The following USP30 variants were observed in gnomAD, a reference collection of about 807,000 sequenced individuals.
USP30 encodes the protein ubiquitin carboxyl-terminal hydrolase 30.
A neutral mutation model predicts 68.2 loss-of-function variants in USP30; 41 were observed. That is an observed-to-expected ratio of 0.60 (90% CI 0.47 to 0.78). The LOEUF is 0.78. Ranked by LOEUF, USP30 falls within the 30% of genes least tolerant of loss-of-function variation. The pLI, the probability that USP30 is intolerant of heterozygous loss-of-function variation, is 0.00. For synonymous variants in USP30, 229 were observed against 253.7 expected, an observed-to-expected ratio of 0.90 and a Z score of 0.93; for missense variants, 522 against 649.4, an observed-to-expected ratio of 0.80 and a Z score of 2.13.
At chr12:109,031,826 A>G (rs2040483653) in intron 3 of USP30, among the ~76,000 whole-genome samples, 2 of 152,114 alleles carry the variant, frequency 1.3e-5, no homozygotes, top group African/African-American at 4.8e-5. Flanking sequence ...GGTAGAGACG[A>G]GGTGTGATTA....
intron 1 of USP30, among the ~76,000 whole-genome samples, chr12:109,055,400 A>ATATTTTTTTTT (rs1298811530): frequency 1.2e-4 from 3 of 24,468 alleles, no homozygotes; most frequent in Admixed American, 7.5e-4. Flanking sequence ...ATATATATAT[A>ATATTTTTTTTT]TTTTTTTTTT....
At chr12:109,041,740 A>C (rs150900915) in intron 3 of USP30, among the ~76,000 whole-genome samples, 1 of 152,196 alleles carries the variant, frequency 6.6e-6, no homozygotes, top group Non-Finnish European at 1.5e-5. Context: ...ATTTTTTTAA[A>C]GAATTTATCA....
intron 4 of USP30, among the ~76,000 whole-genome samples, chr12:109,069,200 C>A (rs1293523772): frequency 6.6e-6 from 1 of 152,204 alleles, no homozygotes; most frequent in Non-Finnish European, 1.5e-5. Context: ...CAGTGCTGTC[C>A]CTTTCCTTAA....
At chr12:109,067,482 T>C (rs747880124) in intron 3 of USP30, 42 bp from the exon 4 acceptor site, 4 of 1,555,070 alleles carry the variant, frequency 2.6e-6, no homozygotes, top group Non-Finnish European at 2.7e-6. Flanking sequence ...TTAGTTGTTA[T>C]GCTGATGAAT....
At position 109,085,822 on chromosome 12, in the gene USP30, G is replaced by A. The variant is rs753067108; in HGVS notation, c.1445G>A (p.Arg482His). The change falls in exon 13 of 13, where the codon CGC becomes CAC. Residue 482 changes from arginine (R) to histidine (H), a missense_variant. By Grantham distance (29) the Arg-to-His change is conservative. Transcript: ENST00000257548. ...CTGTGGGTCTCCGATGACACTGTCC[G>A]CAAGGCCAGCCTGCAGGAGGTCCTG... Reference protein sequence around the residue: ...QWLWVSDDTVRKASLQEVLSS... With the variant: ...QWLWVSDDTVHKASLQEVLSS... 10 of 1,614,042 alleles carry A rather than the reference G, an allele frequency of 6.2e-6. No individual in the cohort carries two copies. The highest frequency in any genetic ancestry group is 8.5e-6 in the Non-Finnish European group (10 of 1,180,038).
At chr12:109,085,305 G>A (rs1167329091) in intron 12 of USP30, among the ~76,000 whole-genome samples, 1 of 152,024 alleles carries the variant, frequency 6.6e-6, no homozygotes, top group African/African-American at 2.4e-5. Context: ...GTGTATATAT[G>A]TGTGTATGTA....
At chr12:109,084,745 A>T (rs1249854212) in intron 11 of USP30, among the ~76,000 whole-genome samples, 1 of 152,248 alleles carries the variant, frequency 6.6e-6, no homozygotes, top group Admixed American at 6.5e-5. Context: ...AGCTAGATAC[A>T]CTTTTCCTAT....
chr12:109,049,677 T>C (rs536165806), upstream of USP30, among the ~76,000 whole-genome samples: 82 of 151,934 alleles, frequency 5.4e-4, no homozygotes, highest in Non-Finnish European at 9.7e-4. Context: ...TAGCCAGGCA[T>C]GGTGGCGCGT....
rs575538912 is a variant in USP30, at chr12:109,052,817, G to C, written c.83+56G>C. ...AGGCCGGGACCAGGGTCCCCAGCTTGGGCCCGTGACGGCTTTTTCATGCCC... is the reference window on the plus strand; with the variant it reads ...AGGCCGGGACCAGGGTCCCCAGCTTCGGCCCGTGACGGCTTTTTCATGCCC... On this transcript the variant is annotated intron_variant, in intron 1 of 12. Transcript: ENST00000257548. 1,286 of 1,394,218 alleles carry C rather than the reference G, an allele frequency of 9.2e-4. 14 individuals carry two copies. The African/African-American group carries it at 0.018, about 19-fold the overall frequency. The allele number at this position is 1,394,218 out of a possible 1,614,324, so 86.4% of individuals were successfully genotyped here.
At chr12:109,075,380 G>A (rs1023725006) in intron 7 of USP30, among the ~76,000 whole-genome samples, 9 of 151,770 alleles carry the variant, frequency 5.9e-5, no homozygotes, top group Admixed American at 1.3e-4. Context: ...ACAGAGTCTC[G>A]CTCTGCTGCA....
At chr12:109,039,984 C>T (rs1211370126) in intron 3 of USP30, among the ~76,000 whole-genome samples, 3 of 152,040 alleles carry the variant, frequency 2.0e-5, no homozygotes, top group South Asian at 2.1e-4. Flanking sequence ...ATCAAGATGA[C>T]TTGGGGTGAT....
chr12:109,066,247 CAAAAA>C (rs35466141), intron 3 of USP30, among the ~76,000 whole-genome samples: 1 of 96,038 alleles, frequency 1.0e-5, no homozygotes. Flanking sequence ...GACCCTGTCT[CAAAAA>C]AAAAAAAAAA....
intron 3 of USP30, among the ~76,000 whole-genome samples, chr12:109,039,536 A>G (rs2040547694): frequency 6.6e-6 from 1 of 152,222 alleles, no homozygotes; most frequent in African/African-American, 2.4e-5. Flanking sequence ...ATGATACAGA[A>G]GCCAGCATTT....
At chr12:109,055,942 A>G (rs1024900030) in intron 1 of USP30, among the ~76,000 whole-genome samples, 6 of 152,152 alleles carry the variant, frequency 3.9e-5, no homozygotes, top group African/African-American at 1.4e-4. Flanking sequence ...GGTCCCACTG[A>G]TATGTTCAGG....
In USP30 at chr12:109,039,759, C is replaced by T. The variant is rs779891373; in HGVS notation, c.-135-7831C>T. Among the ~76,000 whole-genome samples the T allele has an allele frequency of 2.0e-4, 30 of 152,168 alleles. 1 individual carries two copies. The highest frequency in any genetic ancestry group is 6.8e-3 in the Middle Eastern group (2 of 294). ...CCAAATAGCTGGGACTACAGGTGCC[C>T]GCCACCACACCCAGTGAATTTTTGC... On this transcript the variant is annotated intron_variant, in intron 3 of 15. Coordinates refer to the USP30 transcript ENST00000392784.
intron 3 of USP30, among the ~76,000 whole-genome samples, chr12:109,038,713 A>G (rs1343874335): frequency 6.6e-6 from 1 of 152,174 alleles, no homozygotes; most frequent in Non-Finnish European, 1.5e-5. Flanking sequence ...TCCAAAGTAT[A>G]TTATTTTACA....
intron 7 of USP30, among the ~76,000 whole-genome samples, chr12:109,079,404 C>T (rs1406547661): frequency 1.7e-5 from 2 of 117,224 alleles, no homozygotes; most frequent in African/African-American, 3.4e-5. Flanking sequence ...AGCTCTGTCA[C>T]CGAGGCTGGA....
chr12:109,060,375 A>T (rs1439915916), intron 3 of USP30, among the ~76,000 whole-genome samples: 2 of 152,358 alleles, frequency 1.3e-5, no homozygotes, highest in South Asian at 2.1e-4. Context: ...AGAAAATTGG[A>T]TTTAAAAAAC....
At chr12:109,053,356 A>G (rs1157444661) in intron 1 of USP30, among the ~76,000 whole-genome samples, 1 of 152,032 alleles carries the variant, frequency 6.6e-6, no homozygotes, top group Admixed American at 6.6e-5. Context: ...AAGGGTCTCT[A>G]AATTGGTCAG....
Sources: gnomAD v4.1 joint callset for allele counts (sites outside exome capture counted in the v4.1 genomes callset) on GRCh38, gnomAD v4.1.1 for gene constraint, MANE v1.5 for transcripts, NCBI Gene and HGNC (gene_info 2026-07-23, HGNC 2026-07-21) for gene names.